The following PMS2 variants were observed in gnomAD, a reference collection of about 807,000 sequenced individuals.
PMS2 encodes mismatch repair endonuclease PMS2.
In PMS2, 69 loss-of-function variants were observed where a neutral mutation model predicts 90.0. The observed-to-expected ratio is 0.77, with a 90% CI of 0.63 to 0.94. The LOEUF is 0.94. PMS2 is among the 40% of genes least tolerant of loss of function. The pLI is 0.00. For synonymous variants in PMS2, 332 were observed against 375.1 expected, an observed-to-expected ratio of 0.89 and a Z score of 1.33; for missense variants, 966 against 1,040.2, an observed-to-expected ratio of 0.93 and a Z score of 0.98.
intron 11 of PMS2, among the ~76,000 whole-genome samples, chr7:5,985,555 TTC>T: frequency 7.7e-6 from 1 of 129,666 alleles, no homozygotes; most frequent in East Asian, 2.5e-4. Context: ...TTTTTTCTTT[TTC>T]TTTTTTTTTT....
intron 6 of PMS2, 52 bp downstream of exon 6, chr7:5,999,056 C>G (rs1302017336): frequency 1.3e-6 from 2 of 1,541,358 alleles, no homozygotes; most frequent in South Asian, 2.2e-5. Context: ...AATGGAAACC[C>G]GCTATAATCA....
rs544634943 is a variant in PMS2 at position 5,995,890 on chromosome 7, T to C, written c.804-257A>G. On this transcript the variant is annotated intron_variant, in intron 7 of 14. Coordinates refer to ENST00000265849, the MANE Select transcript of PMS2 (RefSeq NM_000535.7). ...ATGCAGTGCGTCCAAAACTGATGTG[T>C]TGCAGCTCTCCTTACCCTTCCTGAT... 8.5e-5 allele frequency among the ~76,000 whole-genome samples: 13 copies of C among 152,272 alleles called. No homozygotes were observed. The East Asian group carries it at 2.5e-3, about 29-fold the overall frequency.
chr7:5,994,747 G>C (rs1441625867), intron 8 of PMS2, among the ~76,000 whole-genome samples: 1 of 151,536 alleles, frequency 6.6e-6, no homozygotes, highest in Non-Finnish European at 1.5e-5. Context: ...CTGCACTCCA[G>C]CCTGGGTGAC....
rs745927005 is a variant in PMS2 at position 5,989,974 on chromosome 7, CAT to C, written c.989-21_989-20del. The C allele has an allele frequency of 1.5e-5, 23 of 1,493,144 alleles. No individual in the cohort carries two copies. Among genetic ancestry groups the C allele is most frequent in the South Asian group, 2.4e-5 (2 of 84,470 alleles). The allele number at this position is 1,493,144 out of a possible 1,614,324, so 92.5% of individuals were successfully genotyped here. On this transcript the variant is annotated intron_variant, in intron 9 of 14. Transcript: ENST00000265849. ...ACGCATTCTAAGGCAAAAAAGAAAA[CAT>C]ATTTATTATGTTTAAATTCACTTTT...
chr7:6,000,973 A>T (rs1259563284), intron 5 of PMS2, among the ~76,000 whole-genome samples: 2 of 152,236 alleles, frequency 1.3e-5, no homozygotes, highest in Non-Finnish European at 2.9e-5. Flanking sequence ...CCTGGGCGAC[A>T]GAGTGAGAAG....
intron 12 of PMS2, among the ~76,000 whole-genome samples, chr7:5,979,357 C>T (rs1186456711): frequency 6.8e-6 from 1 of 147,584 alleles, no homozygotes; most frequent in East Asian, 2.0e-4. Context: ...CACCACTGCA[C>T]TCCAGCCTGG....
At position 5,987,225 on chromosome 7, in the gene PMS2, G is replaced by A. The variant is rs878854036; in HGVS notation, c.1540C>T (p.His514Tyr). The A allele has an allele frequency of 6.2e-7, 1 of 1,614,074 alleles. No individual in the cohort carries two copies. Among genetic ancestry groups the A allele is most frequent in the Non-Finnish European group, 8.5e-7 (1 of 1,180,024 alleles). ...CTGGCCGCATACTCGCTGCTGCAGT[G>A]ACTGCCCGTGTCTGGGATGCTGAAC... ...EGFSIPDTGSHCSSEYAASSP... is the reference protein window; with the variant it reads ...EGFSIPDTGSYCSSEYAASSP... Residue 514 changes from histidine (H) to tyrosine (Y), a missense_variant, in exon 11 of 15, where the codon CAC (histidine) becomes TAC (tyrosine). His to Tyr is a moderately conservative substitution (Grantham distance 83, BLOSUM62 2). Transcript: ENST00000265849.
At chr7:5,999,975 CATT>C (rs1411104103) in intron 5 of PMS2, among the ~76,000 whole-genome samples, 2 of 152,182 alleles carry the variant, frequency 1.3e-5, no homozygotes, top group Admixed American at 1.3e-4. Flanking sequence ...AAGCAAGCAT[CATT>C]GAGGAGTTGA....
chr7:5,990,958 T>A (rs571939759), intron 9 of PMS2, among the ~76,000 whole-genome samples: 1 of 152,090 alleles, frequency 6.6e-6, no homozygotes, highest in African/African-American at 2.4e-5. Flanking sequence ...GAGGTTACAG[T>A]GAGCTGATAT....
chr7:5,994,224 A>C (rs1273007582), intron 8 of PMS2, among the ~76,000 whole-genome samples: 1 of 151,814 alleles, frequency 6.6e-6, no homozygotes, highest in Non-Finnish European at 1.5e-5. Context: ...TACTAAAGAC[A>C]CAAAAACTTA....
At chr7:6,004,584 G>A (rs1320475152) in intron 2 of PMS2, among the ~76,000 whole-genome samples, 1 of 151,880 alleles carries the variant, frequency 6.6e-6, no homozygotes, top group African/African-American at 2.4e-5. Flanking sequence ...GCTTGGTGGC[G>A]CATGCCTGTC....
chr7:5,990,685 G>C (rs774578128), intron 9 of PMS2, among the ~76,000 whole-genome samples: 4 of 152,122 alleles, frequency 2.6e-5, no homozygotes, highest in African/African-American at 4.8e-5. Context: ...CACTGACCCA[G>C]TAATTCTACT....
chr7:5,979,355 C>A (rs1163684436), intron 12 of PMS2, among the ~76,000 whole-genome samples: 1 of 146,376 alleles, frequency 6.8e-6, no homozygotes. Context: ...CACACCACTG[C>A]ACTCCAGCCT....
intron 10 of PMS2, among the ~76,000 whole-genome samples, chr7:5,988,569 A>C (rs1418223338): frequency 2.0e-5 from 3 of 152,156 alleles, no homozygotes; most frequent in Admixed American, 2.0e-4. Context: ...TCTCAAAAAA[A>C]AGAAAGAAGT....
At chr7:6,001,363 G>C (rs1214265644) in intron 5 of PMS2, among the ~76,000 whole-genome samples, 1 of 142,288 alleles carries the variant, frequency 7.0e-6, no homozygotes, top group East Asian at 2.2e-4. Flanking sequence ...AGAAAACCAA[G>C]AGAAATATTC....
rs1171400724 is a variant in PMS2, at chr7:5,987,573, C to G, written c.1192G>C (p.Glu398Gln). ...AATGAAGGGGATTGATCCTGCTTTT[C>G]TACCATGGGCTTTTCCAAATCCGCT... is the stretch of plus-strand genomic sequence containing the variant. ...HAADLEKPMV[E>Q]KQDQSPSLRT... The change falls in exon 11 of 15, where the codon GAA becomes CAA. Residue 398 changes from glutamate (E) to glutamine (Q), a missense_variant. Transcript: ENST00000265849. 4 of 1,612,222 alleles carry G rather than the reference C, an allele frequency of 2.5e-6. No homozygotes were observed. The highest frequency in any genetic ancestry group is 2.5e-6 in the Non-Finnish European group (3 of 1,178,616).
chr7:6,009,052 G>A (rs562800874), upstream of PMS2: 14 of 1,611,516 alleles, frequency 8.7e-6, no homozygotes, highest in Admixed American at 1.5e-4. Flanking sequence ...CGGGGACTGG[G>A]AAAGTTCCCT....
At chr7:6,000,002 A>G (rs1439731942) in intron 5 of PMS2, among the ~76,000 whole-genome samples, 3 of 152,196 alleles carry the variant, frequency 2.0e-5, no homozygotes, top group African/African-American at 7.2e-5. Flanking sequence ...ATTATGGTAT[A>G]GCCATAGCGC....
chr7:5,998,238 C>A (rs929045602), intron 6 of PMS2, among the ~76,000 whole-genome samples: 1 of 151,252 alleles, frequency 6.6e-6, no homozygotes, highest in Admixed American at 6.6e-5. Flanking sequence ...CCTGCCACCA[C>A]GAACAGATAA....
Sources: allele counts gnomAD v4.1 joint callset (sites outside exome capture counted in the v4.1 genomes callset), GRCh38; gene constraint gnomAD v4.1.1; transcripts MANE v1.5; gene names NCBI Gene and HGNC (gene_info 2026-07-23, HGNC 2026-07-21).